SPIDR: variants seen among roughly 807,000 people sequenced by gnomAD.
SPIDR encodes DNA repair-scaffolding protein.
SPIDR carries 93 observed loss-of-function variants against 104.6 expected under a neutral mutation model. That is an observed-to-expected ratio of 0.89 (90% CI 0.75 to 1.06). SPIDR has a LOEUF of 1.06. SPIDR is among the 50% of genes least tolerant of loss of function. The pLI is 0.00. For synonymous variants in SPIDR, 431 were observed against 416.9 expected (o/e 1.03, Z -0.41); for missense variants, 1,154 against 1,111.2 (o/e 1.04, Z -0.55).
intron 8 of SPIDR, among the ~76,000 whole-genome samples, chr8:47,513,779 A>G (rs537724970): frequency 1.1e-4 from 16 of 152,276 alleles, no homozygotes; most frequent in African/African-American, 3.4e-4. Flanking sequence ...AGGAGAGACT[A>G]TTGCTTGGCA....
chr8:47,335,818 T>C (rs1278429171), intron 5 of SPIDR, among the ~76,000 whole-genome samples: 1 of 152,258 alleles, frequency 6.6e-6, no homozygotes, highest in Admixed American at 6.5e-5. Context: ...TTGTTATCTT[T>C]GCTTCTCTGT....
intron 5 of SPIDR, among the ~76,000 whole-genome samples, chr8:47,378,182 G>C (rs1397931582): frequency 1.3e-5 from 2 of 152,146 alleles, no homozygotes; most frequent in African/African-American, 2.4e-5. Context: ...CATAGTTCAT[G>C]TTCTTGCATG....
intron 5 of SPIDR, among the ~76,000 whole-genome samples, chr8:47,344,719 G>A (rs2051511143): frequency 6.6e-6 from 1 of 152,240 alleles, no homozygotes; most frequent in Admixed American, 6.5e-5. Context: ...CTGATGGCCA[G>A]TGATGATGAG....
chr8:47,689,771 A>C (rs2078359719), intron 11 of SPIDR, among the ~76,000 whole-genome samples: 2 of 152,016 alleles, frequency 1.3e-5, no homozygotes, highest in Non-Finnish European at 2.9e-5. Context: ...GATGAGGCAC[A>C]CTCCAATGCC....
chr8:47,331,191 T>C (rs898958294), intron 5 of SPIDR, among the ~76,000 whole-genome samples: 1 of 152,236 alleles, frequency 6.6e-6, no homozygotes, highest in Admixed American at 6.5e-5. Context: ...GGCCAATTAT[T>C]AGTTTCTAAG....
At chr8:47,355,571 A>G (rs1256201907) in intron 5 of SPIDR, among the ~76,000 whole-genome samples, 1 of 152,192 alleles carries the variant, frequency 6.6e-6, no homozygotes, top group Non-Finnish European at 1.5e-5. Flanking sequence ...AATCACAAGC[A>G]TATGTTTTTA....
At chr8:47,482,128 C>T (rs2076964270) in intron 8 of SPIDR, among the ~76,000 whole-genome samples, 1 of 152,206 alleles carries the variant, frequency 6.6e-6, no homozygotes, top group African/African-American at 2.4e-5. Context: ...CCTTCTGTTG[C>T]TGATATTGTC....
chr8:47,279,956 CCT>C lies in SPIDR; in HGVS notation c.137_138del (p.Ser46Ter). On this transcript the variant is annotated frameshift_variant, in exon 2 of 20. Transcript: ENST00000297423. LOFTEE classifies it high-confidence loss of function. ...GGTCTCAGGACAGCAGGGGCAGCTG[CCT>C]CTCTCTCTGAAGCATGGCTCAGGTG... 2 of 1,614,104 alleles carry C rather than the reference CCT, an allele frequency of 1.2e-6. No homozygotes were observed. Among genetic ancestry groups the C allele is most frequent in the East Asian group, 2.2e-5 (1 of 44,884 alleles).
chr8:47,316,892 A>T (rs1336819656), intron 5 of SPIDR, among the ~76,000 whole-genome samples: 1 of 152,216 alleles, frequency 6.6e-6, no homozygotes, highest in Non-Finnish European at 1.5e-5. Flanking sequence ...CTTGTTATTG[A>T]TGTTCATGCT....
At chr8:47,351,838 G>A (rs2053557246) in intron 5 of SPIDR, among the ~76,000 whole-genome samples, 1 of 152,208 alleles carries the variant, frequency 6.6e-6, no homozygotes, top group Non-Finnish European at 1.5e-5. Context: ...CATCATTTTA[G>A]ATCAGGAACT....
rs2061956205 is a variant in SPIDR at position 47,599,074 on chromosome 8, T to C, written c.1422T>C (p.Ala474=). The change falls in exon 10 of 20, where the codon GCT becomes GCC. Residue 474 remains alanine, a synonymous_variant. Transcript: ENST00000297423. The part of the protein sequence containing the change: ...SLLDVVESQG[A]ASWPGAGVRV... ...TGGATGTGGTGGAAAGCCAGGGAGC[T>C]GCCTCGTGGCCAGGAGCTGGAGTCC... 2 of 1,613,022 alleles carry C rather than the reference T, an allele frequency of 1.2e-6. No homozygotes were observed. The highest frequency in any genetic ancestry group is 1.7e-6 in the Non-Finnish European group (2 of 1,179,482).
intron 8 of SPIDR, among the ~76,000 whole-genome samples, chr8:47,465,051 A>G (rs1586161685): frequency 6.6e-6 from 1 of 152,318 alleles, no homozygotes; most frequent in East Asian, 1.9e-4. Flanking sequence ...GGCATGAGCC[A>G]CCGGGCCTGA....
chr8:47,501,252 A>G (rs902002460), intron 8 of SPIDR, among the ~76,000 whole-genome samples: 8 of 152,202 alleles, frequency 5.3e-5, no homozygotes, highest in African/African-American at 1.7e-4. Flanking sequence ...CATTTTCACA[A>G]TATTGATTCT....
At chr8:47,429,409 G>A (rs1198056443) in intron 7 of SPIDR, among the ~76,000 whole-genome samples, 3 of 152,136 alleles carry the variant, frequency 2.0e-5, no homozygotes, top group African/African-American at 7.2e-5. Flanking sequence ...GGTCAAAGCC[G>A]TGGCTTTCAT....
At chr8:47,398,976 G>A (rs561765307) in intron 6 of SPIDR, among the ~76,000 whole-genome samples, 27 of 152,346 alleles carry the variant, frequency 1.8e-4, no homozygotes, top group African/African-American at 4.6e-4. Flanking sequence ...TCTCAGCGGC[G>A]TGACCAGGCA....
At chr8:47,609,260 C>A (rs2063335347) in intron 10 of SPIDR, among the ~76,000 whole-genome samples, 1 of 152,082 alleles carries the variant, frequency 6.6e-6, no homozygotes, top group African/African-American at 2.4e-5. Flanking sequence ...TCCAATTTGT[C>A]ATTTTTGTTA....
intron 5 of SPIDR, among the ~76,000 whole-genome samples, chr8:47,359,079 T>C (rs975806902): frequency 5.3e-5 from 8 of 151,942 alleles, no homozygotes; most frequent in African/African-American, 1.9e-4. Context: ...CTCCCACCAG[T>C]TAAAAAAATT....
intron 5 of SPIDR, among the ~76,000 whole-genome samples, chr8:47,368,343 CAAAAAAAAAAAAAAAAAAAAAAAAAAAA>C (rs34106189): frequency 9.1e-4 from 45 of 49,420 alleles, no homozygotes; most frequent in East Asian, 3.3e-3. Context: ...GTTGAGAAGT[CAAAAAAAAAAAAAAAAAAAAAAAAAAAA>C]AAAAAAAAAA....
intron 5 of SPIDR, among the ~76,000 whole-genome samples, chr8:47,352,081 A>C (rs1464814917): frequency 6.6e-6 from 1 of 152,076 alleles, no homozygotes; most frequent in Admixed American, 6.5e-5. Context: ...GATCGAGACT[A>C]TCCTGGCCAA....
Sources: allele counts gnomAD v4.1 joint callset (sites outside exome capture counted in the v4.1 genomes callset), GRCh38; gene constraint gnomAD v4.1.1; transcripts MANE v1.5; gene names NCBI Gene and HGNC (gene_info 2026-07-23, HGNC 2026-07-21).